The following CAMK4 variants were observed in gnomAD, a reference collection of about 807,000 sequenced individuals.
CAMK4 encodes calcium/calmodulin-dependent protein kinase type IV.
In CAMK4, 22 loss-of-function variants were observed where a neutral mutation model predicts 44.9. The observed-to-expected ratio is 0.49, with a 90% CI of 0.35 to 0.70. The LOEUF (loss-of-function observed/expected upper bound fraction) is 0.70. Ranked by LOEUF, CAMK4 falls within the 30% of genes least tolerant of loss-of-function variation. The pLI, the probability that CAMK4 is intolerant of heterozygous loss-of-function variation, is 0.01. For synonymous variants in CAMK4, 218 were observed against 215.4 expected (o/e 1.01, Z -0.11); for missense variants, 498 against 586.8 (o/e 0.85, Z 1.56).
At chr5:111,474,415 A>G (rs576183469) in intron 8 of CAMK4, among the ~76,000 whole-genome samples, 3 of 152,282 alleles carry the variant, frequency 2.0e-5, no homozygotes, top group Middle Eastern at 3.4e-3. Flanking sequence ...GTGTCCTCAC[A>G]TGATGGGGAG....
intron 1 of CAMK4, among the ~76,000 whole-genome samples, chr5:111,280,048 T>C (rs568141693): frequency 1.3e-5 from 2 of 152,196 alleles, no homozygotes; most frequent in Non-Finnish European, 2.9e-5. Context: ...CAATTTCATG[T>C]GTGTATTATA....
At chr5:111,286,725 T>G (rs1188519355) in intron 1 of CAMK4, among the ~76,000 whole-genome samples, 1 of 152,168 alleles carries the variant, frequency 6.6e-6, no homozygotes, top group Non-Finnish European at 1.5e-5. Flanking sequence ...ATTTTTAGTA[T>G]TATTTCCAAT....
At chr5:111,434,021 G>C (rs1052974368) in intron 5 of CAMK4, among the ~76,000 whole-genome samples, 1 of 152,166 alleles carries the variant, frequency 6.6e-6, no homozygotes, top group Admixed American at 6.5e-5. Context: ...TGCTGGCCTT[G>C]CGCGGTGGCT....
At chr5:111,319,790 C>T (rs909775303) in intron 1 of CAMK4, among the ~76,000 whole-genome samples, 3 of 152,010 alleles carry the variant, frequency 2.0e-5, no homozygotes, top group African/African-American at 7.2e-5. Context: ...CATTTCTAGG[C>T]TTTGTTTTCT....
chr5:111,318,709 A>G (rs1465757917), intron 1 of CAMK4, among the ~76,000 whole-genome samples: 1 of 152,158 alleles, frequency 6.6e-6, no homozygotes, highest in Non-Finnish European at 1.5e-5. Context: ...GAATCAGATA[A>G]TTGTGTTAAT....
At chr5:111,411,316 G>A (rs990462516) in intron 5 of CAMK4, among the ~76,000 whole-genome samples, 1 of 152,152 alleles carries the variant, frequency 6.6e-6, no homozygotes, top group Non-Finnish European at 1.5e-5. Context: ...AGCAAAGCTT[G>A]GACTTTAAGT....
chr5:111,258,579 T>C (rs1749838934), intron 1 of CAMK4, among the ~76,000 whole-genome samples: 1 of 152,180 alleles, frequency 6.6e-6, no homozygotes, highest in East Asian at 1.9e-4. Context: ...TTCACTATCA[T>C]GAGAATAGCA....
chr5:111,455,102 A>C (rs754229270), intron 7 of CAMK4, among the ~76,000 whole-genome samples: 3 of 152,202 alleles, frequency 2.0e-5, no homozygotes, highest in Non-Finnish European at 4.4e-5. Context: ...TAAGCATAAC[A>C]GTGTTTTGCT....
At chr5:111,422,500 T>C (rs1753069507) in intron 5 of CAMK4, among the ~76,000 whole-genome samples, 2 of 152,226 alleles carry the variant, frequency 1.3e-5, no homozygotes, top group Non-Finnish European at 2.9e-5. Context: ...ATAGAAGTCT[T>C]CTTAGCCTTT....
intron 5 of CAMK4, among the ~76,000 whole-genome samples, chr5:111,420,193 C>G (rs1752972605): frequency 6.6e-6 from 1 of 151,714 alleles, no homozygotes; most frequent in Non-Finnish European, 1.5e-5. Context: ...GTATTTTATT[C>G]TCTTTGAAGC....
chr5:111,466,142 TC>T lies in CAMK4; in HGVS notation c.626-7167del, dbSNP rs568482866. Among the ~76,000 whole-genome samples the T allele has an allele frequency of 4.0e-3, 610 of 152,138 alleles. 3 individuals carry two copies. The highest frequency in any genetic ancestry group is 0.014 in the African/African-American group (588 of 41,510). ...GACTCAGGAAAAGCATCTGACAAAA[TC>T]CAGCAATGCTTTATGATTAAAACCA... On this transcript the variant is annotated intron_variant, in intron 7 of 10. Coordinates refer to ENST00000282356, the MANE Select transcript of CAMK4 (RefSeq NM_001744.6).
intron 5 of CAMK4, among the ~76,000 whole-genome samples, chr5:111,396,628 A>ATTTTTTTTTTTTTTTTT (rs1210775733): frequency 2.4e-5 from 1 of 41,300 alleles, no homozygotes; most frequent in African/African-American, 1.0e-4. Context: ...ATTAACTCAT[A>ATTTTTTTTTTTTTTTTT]TTCTTTTTTT....
chr5:111,372,854 C>T (rs409299), intron 2 of CAMK4, among the ~76,000 whole-genome samples: 6,378 of 152,154 alleles, frequency 0.042, 430 homozygotes, highest in African/African-American at 0.15. Context: ...CAGAGCCTAT[C>T]AATTTGATGT....
chr5:111,329,931 A>G (rs1229122263), intron 1 of CAMK4, among the ~76,000 whole-genome samples: 1 of 151,772 alleles, frequency 6.6e-6, no homozygotes, highest in Admixed American at 6.6e-5. Context: ...AAGATCAGGA[A>G]TAAGGCAAGG....
chr5:111,335,752 G>A (rs572682688), intron 1 of CAMK4, among the ~76,000 whole-genome samples: 1 of 151,130 alleles, frequency 6.6e-6, no homozygotes, highest in Non-Finnish European at 1.5e-5. Context: ...TCAACATCAG[G>A]TGTTAATAGC....
rs563146701 is a variant in CAMK4, at chr5:111,339,364, A to T, written c.162-4660A>T. On this transcript the variant is annotated intron_variant, in intron 1 of 10. Coordinates refer to ENST00000282356, the MANE Select transcript of CAMK4 (RefSeq NM_001744.6). Reference sequence around the variant, plus strand: ...ACTTAGTAGTTTTACAGCTTCAGGTATTACATTTGTATTTAATTCATTTTG... The same window carrying T: ...ACTTAGTAGTTTTACAGCTTCAGGTTTTACATTTGTATTTAATTCATTTTG... Among the ~76,000 whole-genome samples, 250 of 151,316 alleles carry T rather than the reference A, an allele frequency of 1.7e-3. 1 individual carries two copies. The highest frequency in any genetic ancestry group is 5.5e-3 in the African/African-American group (229 of 41,460).
In CAMK4 at chr5:111,485,977, A is replaced by G. The variant is rs1025831625; in HGVS notation, c.*1511A>G. The G allele has an allele frequency of 6.6e-6, 1 of 152,218 alleles. No homozygotes were observed. Among genetic ancestry groups the G allele is most frequent in the Admixed American group, 6.5e-5 (1 of 15,286 alleles). The allele number at this position is 152,218 out of a possible 1,614,324, so 9.4% of individuals were successfully genotyped here. A position where few individuals can be genotyped will look rare whatever the true frequency, so the allele number is the denominator to read the frequency against. ...AAAGAATTCATTTTAAAAAATAATT[A>G]TTTTCAGAGACCAAATAAAGACAAT... is the stretch of plus-strand genomic sequence containing the variant. On this transcript the variant is annotated 3_prime_UTR_variant, in exon 11 of 11. Transcript: ENST00000282356.
intron 1 of CAMK4, among the ~76,000 whole-genome samples, chr5:111,309,366 T>G (rs1361360753): frequency 6.6e-6 from 1 of 152,140 alleles, no homozygotes. Context: ...AAGATGTGCA[T>G]TTGTGGTGGG....
chr5:111,300,836 G>T (rs1747688733), intron 1 of CAMK4, among the ~76,000 whole-genome samples: 1 of 152,140 alleles, frequency 6.6e-6, no homozygotes, highest in Non-Finnish European at 1.5e-5. Flanking sequence ...AATTGAAACT[G>T]CATATTTAAA....
Sources: allele counts gnomAD v4.1 joint callset (sites outside exome capture counted in the v4.1 genomes callset), GRCh38; gene constraint gnomAD v4.1.1; transcripts MANE v1.5; gene names NCBI Gene and HGNC (gene_info 2026-07-23, HGNC 2026-07-21).